Variants in DOCK2 observed in about 807,000 individuals in gnomAD.
DOCK2 encodes the protein dedicator of cytokinesis protein 2.
In DOCK2, 87 loss-of-function variants were observed where a neutral mutation model predicts 248.9. That is an observed-to-expected ratio of 0.35 (90% CI 0.29 to 0.42). The LOEUF (loss-of-function observed/expected upper bound fraction) is 0.42, where lower values mean the gene tolerates loss of function less well. Among genes scored for constraint, DOCK2 ranks in the 10% least tolerant of loss-of-function variants. DOCK2 has a pLI of 1.00. For synonymous variants in DOCK2, 805 were observed against 821.6 expected (o/e 0.98, Z 0.35); for missense variants, 1,747 against 2,300.2 (o/e 0.76, Z 4.92).
At chr5:169,689,083 C>T (rs1030577054) in intron 8 of DOCK2, among the ~76,000 whole-genome samples, 169 bp from the exon 9 acceptor site, 3 of 151,962 alleles carry the variant, frequency 2.0e-5, no homozygotes, top group African/African-American at 7.3e-5. Context: ...TGTCTGTCTC[C>T]CAACACAACT....
At chr5:169,811,172 C>G (rs1208904476) in intron 26 of DOCK2, among the ~76,000 whole-genome samples, 1 of 152,196 alleles carries the variant, frequency 6.6e-6, no homozygotes, top group Non-Finnish European at 1.5e-5. Context: ...AGTCCTGCCC[C>G]TGACCTGCGT....
At chr5:170,031,020 C>T (rs899343465) in intron 34 of DOCK2, among the ~76,000 whole-genome samples, 9 of 152,220 alleles carry the variant, frequency 5.9e-5, no homozygotes, top group Non-Finnish European at 1.3e-4. Context: ...GCTATATAAC[C>T]TTACACAGCA....
intron 23 of DOCK2, among the ~76,000 whole-genome samples, chr5:169,753,363 C>CCCCCCCCCCCCT (rs1764010426): frequency 6.7e-6 from 1 of 149,784 alleles, no homozygotes; most frequent in African/African-American, 2.4e-5. Flanking sequence ...CTCACCCCCC[C>CCCCCCCCCCCCT]CCACCCCCTG....
chr5:169,931,499 A>G (rs998846634), intron 27 of DOCK2, among the ~76,000 whole-genome samples: 1 of 152,188 alleles, frequency 6.6e-6, no homozygotes, highest in Admixed American at 6.5e-5. Context: ...AGATGTGGTT[A>G]TTTTATGAGG....
intron 1 of DOCK2, among the ~76,000 whole-genome samples, chr5:169,648,228 A>C (rs191880558): frequency 9.6e-4 from 146 of 152,128 alleles, no homozygotes; most frequent in Non-Finnish European, 1.6e-3. Context: ...GCACTGTAGG[A>C]TGTTTAGCAG....
At chr5:169,989,050 GT>G (rs1428746653) in intron 29 of DOCK2, among the ~76,000 whole-genome samples, 4 of 152,082 alleles carry the variant, frequency 2.6e-5, no homozygotes, top group Admixed American at 6.6e-5. Context: ...TAGTTGGCCT[GT>G]TTTTATAATT....
intron 22 of DOCK2, 116 bp from the exon 23 acceptor site, chr5:169,747,280 G>A: frequency 1.2e-6 from 1 of 842,982 alleles, no homozygotes; most frequent in Non-Finnish European, 1.8e-6. Context: ...CCTCCTTGAA[G>A]TCCCCACCTC....
chr5:169,731,935 C>T (rs868522150), intron 22 of DOCK2, among the ~76,000 whole-genome samples: 1 of 152,124 alleles, frequency 6.6e-6, no homozygotes. Flanking sequence ...GCCTGGGCAA[C>T]ATGGTGAAAC....
intron 6 of DOCK2, among the ~76,000 whole-genome samples, chr5:169,678,213 GA>G (rs57551481): frequency 0.053 from 7,829 of 148,472 alleles, 550 homozygotes; most frequent in African/African-American, 0.16. Context: ...TAAGACTAAG[GA>G]AAAAAAAAGG....
intron 7 of DOCK2, among the ~76,000 whole-genome samples, chr5:169,682,667 G>A (rs1581026962): frequency 7.5e-6 from 1 of 134,034 alleles, no homozygotes; most frequent in East Asian, 2.0e-4. Context: ...GATTTATTAA[G>A]ATATAATTTT....
chr5:169,649,893 TC>T (rs1757705247), intron 1 of DOCK2, among the ~76,000 whole-genome samples: 1 of 151,770 alleles, frequency 6.6e-6, no homozygotes, highest in African/African-American at 2.4e-5. Context: ...AACCTCTGCC[TC>T]CCAGGTTCAA....
At chr5:169,987,792 G>C (rs1245198690) in intron 29 of DOCK2, among the ~76,000 whole-genome samples, 1 of 152,136 alleles carries the variant, frequency 6.6e-6, no homozygotes, top group Non-Finnish European at 1.5e-5. Context: ...TCATAGATTT[G>C]TATCTCTTAA....
At chr5:169,945,891 T>C (rs1168455546) in intron 27 of DOCK2, among the ~76,000 whole-genome samples, 2 of 152,212 alleles carry the variant, frequency 1.3e-5, no homozygotes, top group African/African-American at 4.8e-5. Flanking sequence ...TCCCAGAATA[T>C]TGATGTGGCT....
intron 43 of DOCK2, 166 bp downstream of exon 43, chr5:170,056,934 C>A: frequency 1.6e-6 from 1 of 629,220 alleles, no homozygotes; most frequent in East Asian, 2.8e-5. Context: ...TCCATTAGGG[C>A]CTGTGTCCTT....
chr5:169,737,076 C>T (rs1763076248), intron 22 of DOCK2, among the ~76,000 whole-genome samples: 1 of 152,086 alleles, frequency 6.6e-6, no homozygotes, highest in Admixed American at 6.6e-5. Context: ...ATGTGAGGTG[C>T]CCTGGGATCA....
intron 36 of DOCK2, among the ~76,000 whole-genome samples, chr5:170,038,098 C>T (rs1333781040): frequency 1.3e-5 from 2 of 152,220 alleles, no homozygotes; most frequent in Admixed American, 1.3e-4. Context: ...GCTTTGGGGT[C>T]TGAAGGACCT....
At chr5:169,652,690 G>T (rs1259060912) in intron 1 of DOCK2, among the ~76,000 whole-genome samples, 2 of 152,198 alleles carry the variant, frequency 1.3e-5, no homozygotes, top group Non-Finnish European at 2.9e-5. Context: ...TTTTAATGTG[G>T]TTTAGGCAGA....
chr5:169,824,946 AC>A (rs1384070305), intron 26 of DOCK2, among the ~76,000 whole-genome samples: 1 of 152,230 alleles, frequency 6.6e-6, no homozygotes, highest in Non-Finnish European at 1.5e-5. Flanking sequence ...AACCCCATCA[AC>A]AAGTGGGCAA....
rs1764476557 is a variant in DOCK2 at position 169,761,304 on chromosome 5, G to A, written c.2448-215G>A. ...TACACGGTAACTGCTCAGGGCTATG[G>A]GTATTTTCAGATTTTTACGTCTCTT... On this transcript the variant is annotated intron_variant, in intron 24 of 51. Transcript: ENST00000520908. The A allele has an allele frequency of 1.2e-5, 6 of 516,092 alleles. No homozygotes were observed. The East Asian group carries it at 1.3e-4, about 11-fold the overall frequency. The allele number at this position is 516,092 out of a possible 1,614,324, so 32.0% of individuals were successfully genotyped here. A position where few individuals can be genotyped will look rare whatever the true frequency, so the allele number is the denominator to read the frequency against.
Sources: allele counts gnomAD v4.1 joint callset (sites outside exome capture counted in the v4.1 genomes callset), GRCh38; gene constraint gnomAD v4.1.1; transcripts MANE v1.5; gene names NCBI Gene and HGNC (gene_info 2026-07-23, HGNC 2026-07-21).